Variants in KSR2 observed in about 807,000 individuals in gnomAD.
KSR2 encodes kinase suppressor of ras 2.
In KSR2, 25 loss-of-function variants were observed where a neutral mutation model predicts 107.8. The observed-to-expected ratio is 0.23, with a 90% CI of 0.17 to 0.32. KSR2 has a LOEUF of 0.32. Ranked by LOEUF, KSR2 falls within the 10% of genes least tolerant of loss-of-function variation. KSR2 has a pLI of 1.00. For synonymous variants in KSR2, 480 were observed against 507.0 expected (o/e 0.95, Z 0.71); for missense variants, 887 against 1,268.9 (o/e 0.70, Z 4.57).
At chr12:117,730,691 G>A (rs1449984183) in intron 4 of KSR2, among the ~76,000 whole-genome samples, 1 of 152,306 alleles carries the variant, frequency 6.6e-6, no homozygotes, top group South Asian at 2.1e-4. Context: ...GTATTTTTTG[G>A]TGGAGACGGG....
At chr12:117,765,315 T>C (rs2136888437) in intron 3 of KSR2, among the ~76,000 whole-genome samples, 1 of 152,348 alleles carries the variant, frequency 6.6e-6, no homozygotes, top group African/African-American at 2.4e-5. Context: ...CTTTTGGCAT[T>C]ATCATGACAA....
At chr12:117,679,258 C>T (rs965986683) in intron 4 of KSR2, among the ~76,000 whole-genome samples, 1 of 152,150 alleles carries the variant, frequency 6.6e-6, no homozygotes. Flanking sequence ...ATGCACGGAG[C>T]GTTTCCTATG....
intron 5 of KSR2, among the ~76,000 whole-genome samples, chr12:117,616,755 A>T (rs1048475373): frequency 2.0e-5 from 3 of 152,212 alleles, no homozygotes; most frequent in Non-Finnish European, 4.4e-5. Context: ...TGATTCCAAC[A>T]GTGTTCCCTA....
intron 5 of KSR2, among the ~76,000 whole-genome samples, chr12:117,623,665 T>C (rs1239306428): frequency 6.6e-6 from 1 of 152,260 alleles, no homozygotes; most frequent in Non-Finnish European, 1.5e-5. Flanking sequence ...GTCTTTGCTA[T>C]TGTGAATAGT....
chr12:117,773,516 G>A lies in KSR2; in HGVS notation c.473-11992C>T, dbSNP rs1392500313. ...CGTGGCTTAAATTTCTCTGAATTTC[G>A]GAGCCAGCATTGGAATCTACACAGT... On this transcript the variant is annotated intron_variant, in intron 3 of 19. Coordinates refer to ENST00000339824, the MANE Select transcript of KSR2 (RefSeq NM_173598.6). 5.3e-5 allele frequency among the ~76,000 whole-genome samples: 8 copies of A among 151,910 alleles called. No homozygotes were observed. In the South Asian group the frequency reaches 6.2e-4, roughly 12 times the overall value.
At chr12:117,734,678 C>T (rs145930248) in intron 4 of KSR2, among the ~76,000 whole-genome samples, 1 of 152,264 alleles carries the variant, frequency 6.6e-6, no homozygotes, top group African/African-American at 2.4e-5. Context: ...ACCAGAGAAT[C>T]CCTGCTGAGA....
intron 1 of KSR2, among the ~76,000 whole-genome samples, chr12:117,917,201 AT>A (rs1895203824): frequency 6.6e-6 from 1 of 152,244 alleles, no homozygotes; most frequent in South Asian, 2.1e-4. Flanking sequence ...GTTGATAGAT[AT>A]TTAAGTAACA....
intron 2 of KSR2, among the ~76,000 whole-genome samples, chr12:117,858,312 GC>G (rs1341364384): frequency 6.6e-6 from 1 of 152,150 alleles, no homozygotes; most frequent in African/African-American, 2.4e-5. Flanking sequence ...AATGCCCTGA[GC>G]CATGCAAATA....
chr12:117,551,554 T>A (rs73405343), intron 9 of KSR2, among the ~76,000 whole-genome samples: 1,671 of 151,700 alleles, frequency 0.011, 33 homozygotes, highest in African/African-American at 0.038. Context: ...AGACTTCCTG[T>A]TTCCAAAATC....
chr12:117,939,942 AAAAC>A lies in KSR2; in HGVS notation c.180+28130_180+28133del, dbSNP rs763341329. Among the ~76,000 whole-genome samples, 447 of 95,538 alleles carry A rather than the reference AAAAC, an allele frequency of 4.7e-3. 3 individuals are homozygous for A. Among genetic ancestry groups the A allele is most frequent in the Middle Eastern group, 0.026 (5 of 190 alleles). The allele number at this position is 95,538 out of a possible 152,430, so 62.7% of individuals were successfully genotyped here. ...GGCGACAGAGCGAGACTCCATCTTA[AAAAC>A]ACACACACACACACACACACACACA... On this transcript the variant is annotated intron_variant, in intron 1 of 19. Transcript: ENST00000339824.
At chr12:117,737,422 C>G (rs961930574) in intron 4 of KSR2, among the ~76,000 whole-genome samples, 1 of 152,184 alleles carries the variant, frequency 6.6e-6, no homozygotes, top group African/African-American at 2.4e-5. Context: ...TTCAGTCATT[C>G]TGTAAACCAT....
At chr12:117,955,966 G>T (rs1896499764) in intron 1 of KSR2, among the ~76,000 whole-genome samples, 1 of 151,510 alleles carries the variant, frequency 6.6e-6, no homozygotes, top group Non-Finnish European at 1.5e-5. Flanking sequence ...AATTATCAAG[G>T]CCAGCCAGGC....
In KSR2 at chr12:117,968,210, T is replaced by C. The variant is rs1896855100; in HGVS notation, c.46A>G (p.Ser16Gly). 6.2e-7 allele frequency: 1 copy of C among 1,601,428 alleles called. No individual in the cohort carries two copies. The highest frequency in any genetic ancestry group is 2.3e-5 in the East Asian group (1 of 43,734). The change falls in exon 1 of 20, where the codon AGT becomes GGT. Residue 16 changes from serine (S) to glycine (G), a missense_variant. Physicochemically the swap from Ser to Gly is moderately conservative, Grantham distance 56 (BLOSUM62 0). Around this residue, in one of 8 missense-constraint regions of KSR2, gnomAD observed 32 missense variants for 25.9 expected, o/e 1.23. Coordinates refer to ENST00000339824, the MANE Select transcript of KSR2 (RefSeq NM_173598.6). Reference sequence around the variant, plus strand: ...CACTGCTGTAAGGCTTTTTGCAAACTCAGAGGCTGCTGCTCCTCGCTTTTC... The same window carrying C: ...CACTGCTGTAAGGCTTTTTGCAAACCCAGAGGCTGCTGCTCCTCGCTTTTC... The part of the protein sequence containing the change: ...MTKSEEQQPL[S>G]LQKALQQCEL...
At chr12:117,853,478 G>A (rs938528087) in intron 3 of KSR2, among the ~76,000 whole-genome samples, 2 of 152,062 alleles carry the variant, frequency 1.3e-5, no homozygotes, top group African/African-American at 4.8e-5. Context: ...AAGTAGCTAG[G>A]ACTACAGGCG....
chr12:117,763,035 C>G (rs1053837619), intron 3 of KSR2, among the ~76,000 whole-genome samples: 2 of 151,980 alleles, frequency 1.3e-5, no homozygotes, highest in African/African-American at 4.8e-5. Flanking sequence ...TGCTATCCCT[C>G]CCCTCTCCCC....
chr12:117,559,255 T>C (rs1671554081), intron 7 of KSR2, among the ~76,000 whole-genome samples: 1 of 152,160 alleles, frequency 6.6e-6, no homozygotes, highest in South Asian at 2.1e-4. Flanking sequence ...TATCCCACTC[T>C]CTCAGGTAAG....
intron 5 of KSR2, among the ~76,000 whole-genome samples, chr12:117,637,394 G>C (rs1310126692): frequency 1.2e-4 from 19 of 152,084 alleles, no homozygotes; most frequent in African/African-American, 4.6e-4. Flanking sequence ...CAAGAATGCT[G>C]CTACACATCC....
At chr12:117,962,568 C>T (rs545407013) in intron 1 of KSR2, among the ~76,000 whole-genome samples, 2 of 151,904 alleles carry the variant, frequency 1.3e-5, no homozygotes, top group African/African-American at 2.4e-5. Flanking sequence ...CCTTAGCCTC[C>T]CGAGTAGTTG....
intron 3 of KSR2, among the ~76,000 whole-genome samples, chr12:117,802,177 T>G (rs1460009359): frequency 6.6e-6 from 1 of 152,066 alleles, no homozygotes; most frequent in Non-Finnish European, 1.5e-5. Context: ...TTTTCCAGCT[T>G]CTAGAGACCA....
Sources: gnomAD v4.1 joint callset for allele counts (sites outside exome capture counted in the v4.1 genomes callset) on GRCh38, gnomAD v4.1.1 for gene constraint, gnomAD v4.1.1 regional missense constraint, MANE v1.5 for transcripts, NCBI Gene and HGNC (gene_info 2026-07-23, HGNC 2026-07-21) for gene names.